The following MLLT10 variants were observed in gnomAD, a reference collection of about 807,000 sequenced individuals.
MLLT10 encodes the protein MLLT10 histone lysine methyltransferase DOT1L cofactor.
A neutral mutation model predicts 129.1 loss-of-function variants in MLLT10; 30 were observed. That is an observed-to-expected ratio of 0.23 (90% CI 0.17 to 0.32). MLLT10 has a LOEUF of 0.32. MLLT10 is among the 10% of genes least tolerant of loss of function. MLLT10 has a pLI of 1.00. For missense variants in MLLT10, 1,119 were observed against 1,268.3 expected (o/e 0.88, Z 1.79); for synonymous variants, 490 against 446.4 (o/e 1.10, Z -1.23).
At chr10:21,541,617 C>T (rs183442367) in intron 3 of MLLT10, among the ~76,000 whole-genome samples, 1 of 152,142 alleles carries the variant, frequency 6.6e-6, no homozygotes, top group African/African-American at 2.4e-5. Context: ...ATCTCCTGAC[C>T]TCAGGTGATC....
At chr10:21,687,609 G>A (rs1282963417) in intron 13 of MLLT10, among the ~76,000 whole-genome samples, 5 of 152,214 alleles carry the variant, frequency 3.3e-5, no homozygotes, top group South Asian at 2.1e-4. Context: ...CAAGTGCTAC[G>A]AAGTTTGTTT....
At chr10:21,534,894 C>T in intron 2 of MLLT10, 90 bp downstream of exon 2, 2 of 950,770 alleles carry the variant, frequency 2.1e-6, no homozygotes, top group Non-Finnish European at 2.5e-6. Context: ...GGCGCCCCCG[C>T]CCCGTGCCGC....
Position 21,620,712 on chromosome 10 carries a change from C to T in MLLT10, c.699+3505C>T, listed in dbSNP as rs1051441469. Among the ~76,000 whole-genome samples, 13 of 151,820 alleles carry T rather than the reference C, an allele frequency of 8.6e-5. 1 individual carries two copies. The highest frequency in any genetic ancestry group is 2.9e-5 in the Non-Finnish European group (2 of 67,984). On this transcript the variant is annotated intron_variant, in intron 8 of 22. Transcript: ENST00000307729. ...TTGTTTGTTCGTTTGTTTACTGAGGCGGAGTCTTGCTGTTGTCGCCCAGGC... is the reference window on the plus strand; with the variant it reads ...TTGTTTGTTCGTTTGTTTACTGAGGTGGAGTCTTGCTGTTGTCGCCCAGGC...
chr10:21,539,461 T>C (rs1159859252), intron 3 of MLLT10, among the ~76,000 whole-genome samples: 1 of 151,612 alleles, frequency 6.6e-6, no homozygotes, highest in Non-Finnish European at 1.5e-5. Context: ...ATTTCAGAAC[T>C]TTTCTAAACC....
intron 11 of MLLT10, among the ~76,000 whole-genome samples, chr10:21,679,226 G>A (rs2052500021): frequency 6.6e-6 from 1 of 152,144 alleles, no homozygotes; most frequent in Non-Finnish European, 1.5e-5. Context: ...AGAGTTTTAA[G>A]TTTGGGGCTT....
At chr10:21,599,622 T>C (rs2043332487) in intron 5 of MLLT10, among the ~76,000 whole-genome samples, 1 of 152,180 alleles carries the variant, frequency 6.6e-6, no homozygotes, top group Non-Finnish European at 1.5e-5. Flanking sequence ...TGGAGTGCAG[T>C]GGTGCAGTTT....
chr10:21,727,875 T>C lies in MLLT10; in HGVS notation c.2010T>C (p.Asn670=), dbSNP rs879087343. The change falls in exon 16 of 23, where the codon AAT becomes AAC. Residue 670 remains asparagine (N), a synonymous_variant. Coordinates refer to ENST00000307729, the MANE Select transcript of MLLT10 (RefSeq NM_001195626.3). ...CTACAGATCAAGATCTTGGAGACAA[T>C]AGCCGCAACCTAGTTGGCAGAGGAA... is the stretch of plus-strand genomic sequence containing the variant. ...NNQTDQDLGD[N]SRNLVGRGSS... is the part of the protein sequence containing the mutation. 9.3e-6 allele frequency: 15 copies of C among 1,613,998 alleles called. No individual in the cohort carries two copies. Among genetic ancestry groups the C allele is most frequent in the East Asian group, 2.2e-5 (1 of 44,880 alleles).
chr10:21,535,221 C>T (rs2033716890), intron 2 of MLLT10, among the ~76,000 whole-genome samples: 1 of 152,120 alleles, frequency 6.6e-6, no homozygotes, highest in African/African-American at 2.4e-5. Flanking sequence ...TCTCCCCTGG[C>T]CTGCAGCCGC....
At position 21,651,712 on chromosome 10, in the gene MLLT10, A is replaced by C. The variant is rs2049047606; in HGVS notation, c.739A>C (p.Lys247Gln). ...GGACAAACACAAACAGAAACACAAG[A>C]AGCAGCCAGAACCATCACCTGCATT... ...EKDKHKQKHK[K>Q]QPEPSPALVP... Residue 247 changes from lysine (K) to glutamine (Q), a missense_variant, in exon 9 of 23, where the codon AAG becomes CAG. Physicochemically the swap from Lys to Gln is moderately conservative, Grantham distance 53. Transcript: ENST00000307729. 3 of 1,613,452 alleles carry C rather than the reference A, an allele frequency of 1.9e-6. No homozygotes were observed. The highest frequency in any genetic ancestry group is 2.5e-6 in the Non-Finnish European group (3 of 1,179,658).
chr10:21,702,771 T>C (rs1226408098), intron 13 of MLLT10, among the ~76,000 whole-genome samples: 2 of 152,188 alleles, frequency 1.3e-5, no homozygotes, highest in Non-Finnish European at 2.9e-5. Context: ...TCCCTTTGCA[T>C]AAAATATCTT....
In MLLT10 at chr10:21,673,351, C is replaced by T; in HGVS notation, c.1053C>T (p.Gly351=). Residue 351 remains glycine (G), a splice_region_variant and synonymous_variant, in exon 11 of 23, where the codon GGC becomes GGT. Coordinates refer to ENST00000307729, the MANE Select transcript of MLLT10 (RefSeq NM_001195626.3). ...TVSAASPFPQ[G]SFSGTPGSVK... is the part of the protein sequence containing the mutation. ...TTTTTTTTTTTTTTTAAACTACAGG[C>T]AGTTTTTCAGGAACTCCAGGCAGTG... 1 of 563,404 alleles carries T rather than the reference C, an allele frequency of 1.8e-6. No homozygotes were observed. The highest frequency in any genetic ancestry group is 2.3e-6 in the Non-Finnish European group (1 of 426,718). 34.9% of individuals were successfully genotyped at this position (563,404 alleles called of 1,614,324 possible).
chr10:21,574,907 G>T (rs923853507), intron 3 of MLLT10, among the ~76,000 whole-genome samples: 11 of 152,132 alleles, frequency 7.2e-5, no homozygotes, highest in Admixed American at 2.0e-4. Flanking sequence ...TTTATGTCTT[G>T]TATCTTGTGC....
rs1043307089 is a variant in MLLT10 at position 21,548,249 on chromosome 10, C to T, written c.240+9337C>T. Among the ~76,000 whole-genome samples the T allele has an allele frequency of 2.0e-5, 3 of 152,012 alleles. No homozygotes were observed. The South Asian group carries it at 6.3e-4, about 32-fold the overall frequency. On this transcript the variant is annotated intron_variant, in intron 3 of 22. Transcript: ENST00000307729. ...GTGTCCTTCCATTTTTTATTTTCTA[C>T]TCTGTCTCTTCAAATACTGTAACCT...
intron 3 of MLLT10, among the ~76,000 whole-genome samples, chr10:21,585,846 G>A (rs896010912): frequency 2.0e-5 from 3 of 152,108 alleles, no homozygotes; most frequent in Non-Finnish European, 4.4e-5. Flanking sequence ...ACCGCAACCT[G>A]TACCTCCCGG....
At chr10:21,547,112 C>T (rs1041102694) in intron 3 of MLLT10, among the ~76,000 whole-genome samples, 3 of 151,950 alleles carry the variant, frequency 2.0e-5, no homozygotes, top group African/African-American at 7.3e-5. Flanking sequence ...TCAGGTAATC[C>T]TCCTGCCTTG....
chr10:21,535,554 T>C (rs1379175882), intron 2 of MLLT10, among the ~76,000 whole-genome samples: 1 of 152,148 alleles, frequency 6.6e-6, no homozygotes, highest in East Asian at 1.9e-4. Flanking sequence ...TCTTAGTTTA[T>C]TTCTGGTTGT....
At chr10:21,685,857 T>C (rs948567601) in intron 13 of MLLT10, among the ~76,000 whole-genome samples, 1 of 152,176 alleles carries the variant, frequency 6.6e-6, no homozygotes, top group Admixed American at 6.5e-5. Flanking sequence ...CAATTAACAA[T>C]TTTCATTCAT....
intron 3 of MLLT10, among the ~76,000 whole-genome samples, chr10:21,565,264 A>G (rs1333394956): frequency 6.6e-6 from 1 of 151,968 alleles, no homozygotes; most frequent in Non-Finnish European, 1.5e-5. Flanking sequence ...GCTTATTTGA[A>G]GTAAATTTCT....
intron 9 of MLLT10, among the ~76,000 whole-genome samples, chr10:21,664,948 T>TC (rs1355569180): frequency 1.8e-3 from 256 of 140,314 alleles, no homozygotes; most frequent in African/African-American, 6.1e-3. Context: ...TCTTTTCTTT[T>TC]TTTTTTTTTT....
Sources: gnomAD v4.1 joint callset for allele counts (sites outside exome capture counted in the v4.1 genomes callset) on GRCh38, gnomAD v4.1.1 for gene constraint, MANE v1.5 for transcripts, NCBI Gene and HGNC (gene_info 2026-07-23, HGNC 2026-07-21) for gene names.